The following DOCK5 variants were observed in gnomAD, a reference collection of about 807,000 sequenced individuals.
DOCK5 encodes dedicator of cytokinesis protein 5.
In DOCK5, 142 loss-of-function variants were observed where a neutral mutation model predicts 251.8. The observed-to-expected ratio is 0.56, with a 90% CI of 0.49 to 0.65. The LOEUF (loss-of-function observed/expected upper bound fraction) is 0.65. Ranked by LOEUF, DOCK5 falls within the 30% of genes least tolerant of loss-of-function variation. The probability of loss-of-function intolerance (pLI) is 0.00; values close to 1 mark genes in which losing one functional copy is unlikely to be tolerated. For synonymous variants in DOCK5, 842 were observed against 835.5 expected, an observed-to-expected ratio of 1.01 and a Z score of -0.13; for missense variants, 2,111 against 2,312.3, an observed-to-expected ratio of 0.91 and a Z score of 1.79.
intron 2 of DOCK5, among the ~76,000 whole-genome samples, chr8:25,262,779 C>T (rs930059416): frequency 6.6e-6 from 1 of 151,970 alleles, no homozygotes; most frequent in African/African-American, 2.4e-5. Context: ...ACCAACGATG[C>T]AGATACCCAT....
At chr8:25,286,049 G>A (rs1270105945) in intron 5 of DOCK5, among the ~76,000 whole-genome samples, 1 of 152,158 alleles carries the variant, frequency 6.6e-6, no homozygotes, top group Non-Finnish European at 1.5e-5. Flanking sequence ...GACCTTTGCT[G>A]GTCAGACTGC....
At chr8:25,407,182 C>A (rs1230356643) in intron 48 of DOCK5, among the ~76,000 whole-genome samples, 2 of 151,984 alleles carry the variant, frequency 1.3e-5, no homozygotes, top group Non-Finnish European at 2.9e-5. Flanking sequence ...TATTAGGATG[C>A]ATTCTTAGAA....
intron 25 of DOCK5, among the ~76,000 whole-genome samples, chr8:25,343,646 G>T (rs1005577819): frequency 1.3e-5 from 2 of 152,104 alleles, no homozygotes; most frequent in Non-Finnish European, 2.9e-5. Flanking sequence ...AAAAACCAGG[G>T]GACAGGGAAA....
At chr8:25,302,486 TAGTGC>T (rs1396729676) in intron 10 of DOCK5, 32 bp downstream of exon 10, 8 of 1,521,894 alleles carry the variant, frequency 5.3e-6, no homozygotes, top group Non-Finnish European at 7.1e-6. Flanking sequence ...AAATGTGAAA[TAGTGC>T]AGTGCTGTGG....
At chr8:25,346,508 A>AC (rs1364647578) in intron 26 of DOCK5, among the ~76,000 whole-genome samples, 1 of 151,256 alleles carries the variant, frequency 6.6e-6, no homozygotes, top group Non-Finnish European at 1.5e-5. Context: ...TTTCTCTGTG[A>AC]CCTGGCCCCC....
intron 1 of DOCK5, among the ~76,000 whole-genome samples, chr8:25,196,928 G>A (rs937447394): frequency 6.6e-6 from 1 of 152,150 alleles, no homozygotes; most frequent in East Asian, 1.9e-4. Context: ...GCTGGGCACC[G>A]TGGCTCATGC....
rs145318735 is a variant in DOCK5, at chr8:25,399,740, A to C, written c.4705-171A>C. On this transcript the variant is annotated intron_variant, in intron 45 of 51. Transcript: ENST00000276440. ...AATTAAGGAAAGACCACACAATAGCACACACTTTTTTGCATTGTCCAACAT... is the reference window on the plus strand; with the variant it reads ...AATTAAGGAAAGACCACACAATAGCCCACACTTTTTTGCATTGTCCAACAT... Among the ~76,000 whole-genome samples, 429 of 152,336 alleles carry C rather than the reference A, an allele frequency of 2.8e-3. 2 individuals carry two copies. Among genetic ancestry groups the C allele is most frequent in the African/African-American group, 9.9e-3 (413 of 41,570 alleles).
Position 25,377,403 on chromosome 8 carries a change from A to G in DOCK5, c.3915A>G (p.Ile1305Met). Reference protein sequence around the residue: ...ELKEKLYQEIISYFDKGKMWE... With the variant: ...ELKEKLYQEIMSYFDKGKMWE... ...AAGAGAAGCTGTATCAAGAAATCAT[A>G]TCATATTTCGACAAAGGCAAAGTGA... The change falls in exon 38 of 52, where the codon ATA (isoleucine) becomes ATG (methionine). Residue 1305 changes from isoleucine (I) to methionine (M), a missense_variant. Ile to Met is a conservative substitution (Grantham distance 10, BLOSUM62 1). Transcript: ENST00000276440. 3 of 1,613,744 alleles carry G rather than the reference A, an allele frequency of 1.9e-6. No individual in the cohort carries two copies. The highest frequency in any genetic ancestry group is 2.5e-6 in the Non-Finnish European group (3 of 1,179,734).
intron 2 of DOCK5, among the ~76,000 whole-genome samples, chr8:25,260,886 T>A (rs1441365652): frequency 6.6e-6 from 1 of 151,890 alleles, no homozygotes; most frequent in Non-Finnish European, 1.5e-5. Context: ...GCCTCCAACT[T>A]CTGGGCTCAA....
chr8:25,206,493 T>C (rs962213580), intron 1 of DOCK5, among the ~76,000 whole-genome samples: 1 of 152,218 alleles, frequency 6.6e-6, no homozygotes, highest in Non-Finnish European at 1.5e-5. Flanking sequence ...CCTGAAAATG[T>C]AACAGTTGGC....
In DOCK5 at chr8:25,292,084, C is replaced by T. The variant is rs549229014; in HGVS notation, c.382C>T (p.Arg128Trp). The T allele has an allele frequency of 7.5e-6, 12 of 1,596,444 alleles. No homozygotes were observed. The highest frequency in any genetic ancestry group is 4.0e-5 in the African/African-American group (3 of 74,658). Residue 128 changes from arginine (R) to tryptophan (W), a missense_variant, in exon 6 of 52, where the codon CGG becomes TGG. Arg to Trp is a moderately radical substitution (Grantham distance 101, BLOSUM62 -3). Around this residue, in one of 3 missense-constraint regions of DOCK5, gnomAD observed 335 missense variants for 324.9 expected, o/e 1.03. Transcript: ENST00000276440. ...QQMTYSLIEW[R>W]SQILSGTLPK... ...GATGACGTACAGCCTGATCGAGTGG[C>T]GGTCCCAGATCCTGTCTGGGACGCT...
intron 17 of DOCK5, among the ~76,000 whole-genome samples, chr8:25,324,788 TC>T (rs1563202355): frequency 9.1e-6 from 1 of 109,958 alleles, no homozygotes; most frequent in African/African-American, 3.4e-5. Flanking sequence ...ATGCTATCCC[TC>T]CCCCCTCCCC....
At chr8:25,398,613 T>C (rs946763875) in intron 45 of DOCK5, among the ~76,000 whole-genome samples, 5 of 152,174 alleles carry the variant, frequency 3.3e-5, no homozygotes, top group Admixed American at 1.3e-4. Context: ...TCTGGTGTCT[T>C]CTTGGTGCTC....
At chr8:25,227,129 G>A (rs1802552449) in intron 1 of DOCK5, among the ~76,000 whole-genome samples, 1 of 152,140 alleles carries the variant, frequency 6.6e-6, no homozygotes, top group Admixed American at 6.5e-5. Flanking sequence ...ATTTCAAAAA[G>A]TGTTGCTAGG....
intron 37 of DOCK5, chr8:25,375,529 C>T: frequency 4.3e-6 from 1 of 230,788 alleles, no homozygotes; most frequent in Non-Finnish European, 7.1e-6. Context: ...CATGAGCCAC[C>T]ATGCTAGCCA....
At chr8:25,389,337 C>A in intron 41 of DOCK5, 105 bp downstream of exon 41, 1 of 1,395,816 alleles carries the variant, frequency 7.2e-7, no homozygotes, top group Non-Finnish European at 9.7e-7. Context: ...GCAGACACAC[C>A]ATCTTCTCAA....
chr8:25,325,564 C>A lies in DOCK5; in HGVS notation c.1903+17C>A, dbSNP rs745864800. 2.2e-5 allele frequency: 35 copies of A among 1,610,558 alleles called. No individual in the cohort carries two copies. Among genetic ancestry groups the A allele is most frequent in the Non-Finnish European group, 3.0e-5 (35 of 1,178,082 alleles). On this transcript the variant is annotated intron_variant, in intron 18 of 51. Transcript: ENST00000276440. Reference sequence around the variant, plus strand: ...CCCAGAATGGTAGGAGTGGTGAATACACTGACACAAATAAGCTTCTTGCTC... The same window carrying A: ...CCCAGAATGGTAGGAGTGGTGAATAAACTGACACAAATAAGCTTCTTGCTC...
chr8:25,399,739 C>T (rs1306262340), intron 45 of DOCK5, among the ~76,000 whole-genome samples, 172 bp from the exon 46 acceptor site: 1 of 152,170 alleles, frequency 6.6e-6, no homozygotes, highest in Non-Finnish European at 1.5e-5. Flanking sequence ...CACACAATAG[C>T]ACACACTTTT....
At chr8:25,262,183 TC>T (rs147264504) in intron 2 of DOCK5, among the ~76,000 whole-genome samples, 4,408 of 152,268 alleles carry the variant, frequency 0.029, 192 homozygotes, top group African/African-American at 0.096. Flanking sequence ...GAGAGAGAGT[TC>T]CAGTTGCTCC....
Sources: allele counts gnomAD v4.1 joint callset (sites outside exome capture counted in the v4.1 genomes callset), GRCh38; gene constraint gnomAD v4.1.1; regional missense constraint gnomAD v4.1.1; transcripts MANE v1.5; gene names NCBI Gene and HGNC (gene_info 2026-07-23, HGNC 2026-07-21).